Variants in TENM2 observed in about 807,000 individuals in gnomAD.
TENM2 encodes the protein teneurin transmembrane protein 2.
Under a neutral mutation model 245.2 loss-of-function variants are expected in TENM2, and 52 were observed. The observed-to-expected ratio is 0.21, with a 90% confidence interval of 0.17 to 0.27. The LOEUF (loss-of-function observed/expected upper bound fraction) is 0.27. Among genes scored for constraint, TENM2 ranks in the 10% least tolerant of loss-of-function variants. TENM2 has a pLI of 1.00. For synonymous variants in TENM2, 1,363 were observed against 1,438.9 expected, an observed-to-expected ratio of 0.95 and a Z score of 1.19; for missense variants, 3,046 against 3,666.8, an observed-to-expected ratio of 0.83 and a Z score of 4.37.
intron 6 of TENM2, among the ~76,000 whole-genome samples, chr5:168,048,088 C>T (rs770832550): frequency 6.6e-5 from 10 of 152,072 alleles, no homozygotes; most frequent in Non-Finnish European, 1.2e-4. Context: ...TTTGACAACT[C>T]GGCAACAAAG....
chr5:167,462,395 C>T (rs1301530467), intron 2 of TENM2, among the ~76,000 whole-genome samples: 1 of 152,116 alleles, frequency 6.6e-6, no homozygotes, highest in Non-Finnish European at 1.5e-5. Context: ...TCTTTTAGCT[C>T]TTCTGTTCAC....
At chr5:167,633,146 A>G (rs774333773) in intron 2 of TENM2, among the ~76,000 whole-genome samples, 1 of 152,200 alleles carries the variant, frequency 6.6e-6, no homozygotes, top group Non-Finnish European at 1.5e-5. Context: ...TTAAGTTAGA[A>G]GATAGAGTTA....
chr5:167,255,041 C>G, the TENM2 span, among the ~76,000 whole-genome samples: 1 of 150,694 alleles, frequency 6.6e-6, no homozygotes, highest in African/African-American at 2.4e-5. Flanking sequence ...AGAAACCATT[C>G]AGACCTACAG....
At chr5:168,206,639 AT>A (rs1473756627) in intron 19 of TENM2, among the ~76,000 whole-genome samples, 1 of 152,106 alleles carries the variant, frequency 6.6e-6, no homozygotes, top group Non-Finnish European at 1.5e-5. Context: ...GATCAGACAA[AT>A]CGCTTTTCCT....
chr5:168,061,534 C>T (rs138152393), intron 6 of TENM2, among the ~76,000 whole-genome samples: 9 of 152,254 alleles, frequency 5.9e-5, no homozygotes, highest in Non-Finnish European at 1.0e-4. Flanking sequence ...TGTTTCTCTG[C>T]GGCTCTTAGA....
At chr5:167,928,026 A>G (rs115001330) in intron 3 of TENM2, among the ~76,000 whole-genome samples, 54 of 152,336 alleles carry the variant, frequency 3.5e-4, no homozygotes, top group African/African-American at 1.3e-3. Flanking sequence ...AACAGTGTCC[A>G]GGAGGTGGGT....
rs758591978 is a variant in TENM2 at position 168,062,313 on chromosome 5, AT to A, written c.1515+49del. On this transcript the variant is annotated intron_variant, in intron 7 of 28. Coordinates refer to ENST00000518659, the Ensembl canonical transcript of TENM2. ...CAAGCATTTAAAAAAATATATACGT[AT>A]ATATGTGTGTGTGTATATATGCCAC... The A allele has an allele frequency of 3.4e-6, 5 of 1,483,404 alleles. No homozygotes were observed. In the South Asian group the frequency reaches 3.5e-5, roughly 10 times the overall value. 91.9% of individuals were successfully genotyped at this position (1,483,404 alleles called of 1,614,324 possible). A position where few individuals can be genotyped will look rare whatever the true frequency, so the allele number is the denominator to read the frequency against.
At chr5:167,555,974 A>T (rs186164459) in intron 2 of TENM2, among the ~76,000 whole-genome samples, 90 of 152,210 alleles carry the variant, frequency 5.9e-4, no homozygotes, top group Non-Finnish European at 1.9e-4. Context: ...CTCAAATCCT[A>T]TGTTTGGGGA....
intron 2 of TENM2, among the ~76,000 whole-genome samples, chr5:167,422,147 C>A (rs902055759): frequency 6.6e-6 from 1 of 152,136 alleles, no homozygotes; most frequent in South Asian, 2.1e-4. Flanking sequence ...ATATTTATGA[C>A]TTTTACAAGT....
chr5:167,767,654 A>T (rs1258501296), intron 2 of TENM2, among the ~76,000 whole-genome samples: 1 of 152,218 alleles, frequency 6.6e-6, no homozygotes, highest in Non-Finnish European at 1.5e-5. Context: ...CTACTGCTGT[A>T]GTTTATTATT....
At chr5:167,398,292 C>A (rs1449257108) in intron 2 of TENM2, among the ~76,000 whole-genome samples, 1 of 152,138 alleles carries the variant, frequency 6.6e-6, no homozygotes, top group Non-Finnish European at 1.5e-5. Context: ...ACACTAGTTT[C>A]TTCTGCAAAA....
At chr5:167,898,357 T>C (rs2151500106) in intron 3 of TENM2, among the ~76,000 whole-genome samples, 1 of 152,120 alleles carries the variant, frequency 6.6e-6, no homozygotes, top group East Asian at 1.9e-4. Context: ...ATGAGTCTAA[T>C]ATATGCTAAC....
At chr5:167,105,660 G>A in the TENM2 span, among the ~76,000 whole-genome samples, 1 of 151,374 alleles carries the variant, frequency 6.6e-6, no homozygotes, top group African/African-American at 2.4e-5. Flanking sequence ...AGGCCGAGGC[G>A]GGCGGATCAC....
At position 167,847,421 on chromosome 5, in the gene TENM2, A is replaced by G. The variant is rs114354226; in HGVS notation, c.503-28565A>G. ...GAAAATCTACTATTCTATTAACCCA[A>G]ACTCATTTTTTCTATCACTTCTATT... is the stretch of plus-strand genomic sequence containing the variant. On this transcript the variant is annotated intron_variant, in intron 2 of 28. Coordinates refer to ENST00000518659, the Ensembl canonical transcript of TENM2. Among the ~76,000 whole-genome samples the G allele has an allele frequency of 8.0e-3, 1,214 of 152,194 alleles. 8 individuals carry two copies. Among genetic ancestry groups the G allele is most frequent in the Middle Eastern group, 0.014 (4 of 294 alleles).
chr5:167,743,243 T>G (rs1476241426), intron 2 of TENM2, among the ~76,000 whole-genome samples: 1 of 152,168 alleles, frequency 6.6e-6, no homozygotes, highest in Non-Finnish European at 1.5e-5. Context: ...TAATGCATAA[T>G]GTCTCCCCGC....
At chr5:167,882,009 G>A (rs1192813947) in intron 3 of TENM2, among the ~76,000 whole-genome samples, 1 of 152,124 alleles carries the variant, frequency 6.6e-6, no homozygotes, top group African/African-American at 2.4e-5. Flanking sequence ...AGTAATGTAC[G>A]AAAGTCACAA....
At chr5:168,226,097 C>T (rs373582607) in exon 24 of TENM2, 30 of 1,612,964 alleles carry the variant, frequency 1.9e-5, no homozygotes, top group African/African-American at 5.3e-5. Flanking sequence ...GCTATGACCA[C>T]GAAGGCCGCC....
At chr5:167,250,469 T>C in the TENM2 span, among the ~76,000 whole-genome samples, 2 of 152,184 alleles carry the variant, frequency 1.3e-5, no homozygotes, top group Admixed American at 6.5e-5. Flanking sequence ...GATTTCACCT[T>C]TTTAAATTTT....
intron 1 of TENM2, among the ~76,000 whole-genome samples, chr5:167,341,811 G>T (rs1274337443): frequency 1.3e-5 from 2 of 152,068 alleles, no homozygotes; most frequent in African/African-American, 2.4e-5. Context: ...TAACAGTTGG[G>T]ACATTATTTG....
Sources: gnomAD v4.1 joint callset for allele counts (sites outside exome capture counted in the v4.1 genomes callset) on GRCh38, gnomAD v4.1.1 for gene constraint, MANE v1.5 for transcripts, NCBI Gene and HGNC (gene_info 2026-07-23, HGNC 2026-07-21) for gene names.